Variants in C5orf46 observed in about 807,000 individuals in gnomAD.
C5orf46 encodes the protein chromosome 5 open reading frame 46.
In C5orf46, 9 loss-of-function variants were observed where a neutral mutation model predicts 8.9. That is an observed-to-expected ratio of 1.01 (90% CI 0.61 to 1.76). C5orf46 has a LOEUF of 1.76. Among genes scored for constraint, C5orf46 ranks in the 40% most tolerant of loss-of-function variants. C5orf46 has a pLI of 0.00. For synonymous variants in C5orf46, 47 were observed against 41.4 expected, an observed-to-expected ratio of 1.14 and a Z score of -0.52; for missense variants, 98 against 107.8, an observed-to-expected ratio of 0.91 and a Z score of 0.40.
At chr5:147,898,832 A>T (rs1296265259) in intron 2 of C5orf46, among the ~76,000 whole-genome samples, 4 of 152,124 alleles carry the variant, frequency 2.6e-5, no homozygotes, top group Non-Finnish European at 4.4e-5. Context: ...TTTCAGAAAA[A>T]TGATGAGCAA....
Position 147,896,942 on chromosome 5 carries a change from A to G in C5orf46, c.*9+42T>C, listed in dbSNP as rs555037068. The stretch of plus-strand genomic sequence containing the variant: ...GGACAGACTCTTTTTCCTTTGTCCA[A>G]TACACTGTTATTTCAGTTGTAAATT... On this transcript the variant is annotated intron_variant, in intron 3 of 3. Transcript: ENST00000318315. 5.6e-5 allele frequency: 60 copies of G among 1,064,324 alleles called. 1 individual carries two copies. The East Asian group carries it at 1.3e-3, about 24-fold the overall frequency. 65.9% of individuals were successfully genotyped at this position (1,064,324 alleles called of 1,614,324 possible). A position where few individuals can be genotyped will look rare whatever the true frequency, so the allele number is the denominator to read the frequency against.
chr5:147,900,698 T>C (rs1757653135), intron 2 of C5orf46, among the ~76,000 whole-genome samples: 1 of 152,084 alleles, frequency 6.6e-6, no homozygotes, highest in African/African-American at 2.4e-5. Context: ...AAAAATAAAT[T>C]CCCCCAAGGG....
At chr5:147,903,311 G>A (rs1220009317) in intron 1 of C5orf46, among the ~76,000 whole-genome samples, 1 of 152,132 alleles carries the variant, frequency 6.6e-6, no homozygotes, top group Admixed American at 6.6e-5. Context: ...ATGCTTTTCT[G>A]GTACTATAAA....
intron 3 of C5orf46, among the ~76,000 whole-genome samples, chr5:147,893,809 G>A (rs1475132231): frequency 6.6e-6 from 1 of 152,130 alleles, no homozygotes; most frequent in East Asian, 1.9e-4. Context: ...CCAAAGCGCT[G>A]GGATTTGGTA....
At chr5:147,897,222 T>C (rs1412308594) in intron 2 of C5orf46, among the ~76,000 whole-genome samples, 181 bp from the exon 3 acceptor site, 3 of 152,188 alleles carry the variant, frequency 2.0e-5, no homozygotes, top group Non-Finnish European at 2.9e-5. Context: ...TTATGCATAA[T>C]TATCTTTTTT....
rs780444119 is a variant in C5orf46, at chr5:147,901,733, C to A, written c.111G>T (p.Ser37=). The A allele has an allele frequency of 6.8e-6, 11 of 1,613,698 alleles. No individual in the cohort carries two copies. The African/African-American group carries it at 1.3e-4, about 20-fold the overall frequency. ...PDKPDDKPDD[S]GKDPKPDFPK... is the part of the protein sequence containing the mutation. ...GGAAGTCTGGCTTTGGGTCTTTGCC[C>A]GAGTCGTCTGGCTTGTCGTCTGGCT... The change falls in exon 2 of 4, where the codon TCG becomes TCT. Residue 37 remains serine (S), a synonymous_variant. Transcript: ENST00000318315.
chr5:147,900,110 T>C (rs951337715), intron 2 of C5orf46, among the ~76,000 whole-genome samples: 2 of 152,210 alleles, frequency 1.3e-5, no homozygotes, highest in African/African-American at 4.8e-5. Context: ...GATGTAACAA[T>C]ACTAATTCAA....
At chr5:147,902,799 T>C (rs974128761) in intron 1 of C5orf46, among the ~76,000 whole-genome samples, 64 of 152,358 alleles carry the variant, frequency 4.2e-4, no homozygotes, top group African/African-American at 1.5e-3. Flanking sequence ...ACAATAATGA[T>C]GACAAAGCAA....
chr5:147,895,741 T>A (rs1757569839), intron 3 of C5orf46, among the ~76,000 whole-genome samples: 1 of 152,184 alleles, frequency 6.6e-6, no homozygotes, highest in Non-Finnish European at 1.5e-5. Flanking sequence ...AGAGGCAGGC[T>A]GTTCTCTGAG....
intron 1 of C5orf46, among the ~76,000 whole-genome samples, chr5:147,904,089 T>TAA (rs200345436): frequency 6.4e-5 from 9 of 141,112 alleles, no homozygotes; most frequent in East Asian, 2.0e-4. Flanking sequence ...AGAGTCAAGG[T>TAA]AAAAAAAAAA....
At chr5:147,897,538 T>A (rs1227722977) in intron 2 of C5orf46, among the ~76,000 whole-genome samples, 1 of 152,158 alleles carries the variant, frequency 6.6e-6, no homozygotes, top group Non-Finnish European at 1.5e-5. Flanking sequence ...CCCTATGGCT[T>A]AAGGACTGGG....
chr5:147,900,867 A>C (rs991151468), intron 2 of C5orf46, among the ~76,000 whole-genome samples: 32 of 152,326 alleles, frequency 2.1e-4, no homozygotes, highest in African/African-American at 7.0e-4. Context: ...TTGGGAGATT[A>C]ATATGGGGAG....
At chr5:147,887,789 C>T (rs570571988), downstream of C5orf46, 84 of 152,220 alleles carry the variant, frequency 5.5e-4, no homozygotes, top group African/African-American at 2.0e-3. Flanking sequence ...ATGGACATGC[C>T]AAGTTGGGAC....
downstream of C5orf46, among the ~76,000 whole-genome samples, chr5:147,888,420 A>G (rs543936254): frequency 4.6e-5 from 7 of 152,264 alleles, no homozygotes; most frequent in South Asian, 1.0e-3. Context: ...ACCATAACCT[A>G]TGAGGTCCTG....
At chr5:147,896,941 A>G in intron 3 of C5orf46, 43 bp downstream of exon 3, 1 of 1,039,052 alleles carries the variant, frequency 9.6e-7, no homozygotes, top group Non-Finnish European at 1.4e-6. Flanking sequence ...TCCTTTGTCC[A>G]ATACACTGTT....
At position 147,897,440 on chromosome 5, in the gene C5orf46, C is replaced by T. The variant is rs550614629; in HGVS notation, c.216-399G>A. Among the ~76,000 whole-genome samples, 15 of 152,276 alleles carry T rather than the reference C, an allele frequency of 9.9e-5. No homozygotes were observed. The South Asian group carries it at 3.1e-3, about 32-fold the overall frequency. Reference sequence around the variant, plus strand: ...CCTTTGAAGCTTAAAGATTAAACAACCTGTCCAAAGCACATGGCTGGTAAG... The same window carrying T: ...CCTTTGAAGCTTAAAGATTAAACAATCTGTCCAAAGCACATGGCTGGTAAG... On this transcript the variant is annotated intron_variant, in intron 2 of 3. Transcript: ENST00000318315.
At chr5:147,893,306 C>T (rs1427326788) in intron 3 of C5orf46, among the ~76,000 whole-genome samples, 1 of 129,592 alleles carries the variant, frequency 7.7e-6, no homozygotes, top group Non-Finnish European at 1.6e-5. Flanking sequence ...TTTTTTGAGA[C>T]AGAGTCCCTC....
chr5:147,892,869 AC>A lies in C5orf46; in HGVS notation c.*79del. 1.3e-5 allele frequency: 2 copies of A among 152,304 alleles called. No homozygotes were observed. Among genetic ancestry groups the A allele is most frequent in the East Asian group, 3.9e-4 (2 of 5,182 alleles). The allele number at this position is 152,304 out of a possible 1,614,324, so 9.4% of individuals were successfully genotyped here. On this transcript the variant is annotated 3_prime_UTR_variant, in exon 4 of 4. Transcript: ENST00000318315. Reference sequence around the variant, plus strand: ...TGCTTTGAGGGCTCTGTCCTGGAGGACTTGTGGAGCCAAACTGGAAAAGCAG... The same window carrying A: ...TGCTTTGAGGGCTCTGTCCTGGAGGATTGTGGAGCCAAACTGGAAAAGCAG...
downstream of C5orf46, among the ~76,000 whole-genome samples, chr5:147,890,654 C>G (rs1416710880): frequency 3.3e-5 from 5 of 151,998 alleles, no homozygotes; most frequent in Non-Finnish European, 7.4e-5. Context: ...AATGAAGGAG[C>G]AAGCCATGTG....
Sources: gnomAD v4.1 joint callset for allele counts (sites outside exome capture counted in the v4.1 genomes callset) on GRCh38, gnomAD v4.1.1 for gene constraint, MANE v1.5 for transcripts, NCBI Gene and HGNC (gene_info 2026-07-23, HGNC 2026-07-21) for gene names.